DTNBP1: variants seen among roughly 807,000 people sequenced by gnomAD.
The protein encoded by DTNBP1 is dysbindin.
Under a neutral mutation model 42.8 loss-of-function variants are expected in DTNBP1, and 35 were observed. That is an observed-to-expected ratio of 0.82 (90% CI 0.63 to 1.09). The LOEUF (loss-of-function observed/expected upper bound fraction) is 1.09, where lower values mean the gene tolerates loss of function less well. Ranked by LOEUF, DTNBP1 falls within the 50% of genes least tolerant of loss-of-function variation. The pLI is 0.00. For synonymous variants in DTNBP1, 171 were observed against 162.2 expected (o/e 1.05, Z -0.41); for missense variants, 457 against 424.2 (o/e 1.08, Z -0.68).
chr6:15,654,934 T>C (rs1342642739), intron 1 of DTNBP1, among the ~76,000 whole-genome samples: 1 of 152,230 alleles, frequency 6.6e-6, no homozygotes, highest in Middle Eastern at 3.2e-3. Context: ...TGCATTTATG[T>C]AATGTGTTTC....
intron 8 of DTNBP1, among the ~76,000 whole-genome samples, chr6:15,526,013 G>A (rs1260552384): frequency 1.3e-5 from 2 of 152,184 alleles, no homozygotes; most frequent in Non-Finnish European, 2.9e-5. Context: ...GAGAGGGCAG[G>A]CTAAGAAAGA....
At chr6:15,647,462 G>C (rs572467598) in intron 3 of DTNBP1, among the ~76,000 whole-genome samples, 4 of 151,732 alleles carry the variant, frequency 2.6e-5, no homozygotes, top group Non-Finnish European at 4.4e-5. Context: ...ATAATTCACT[G>C]GAGGAGTTCA....
chr6:15,523,514 C>T, intron 9 of DTNBP1: 10 of 1,276,152 alleles, frequency 7.8e-6, no homozygotes, highest in African/African-American at 1.5e-5. Flanking sequence ...AAGGCAAGTG[C>T]TGCCTATCTT....
intron 9 of DTNBP1, 47 bp downstream of exon 9, chr6:15,524,479 G>C: frequency 6.2e-7 from 1 of 1,612,976 alleles, no homozygotes; most frequent in Non-Finnish European, 8.5e-7. Flanking sequence ...GAGGGGAGTG[G>C]CATCGATACT....
intron 7 of DTNBP1, among the ~76,000 whole-genome samples, chr6:15,575,918 G>T (rs1775541174): frequency 2.6e-5 from 4 of 152,164 alleles, no homozygotes; most frequent in African/African-American, 9.7e-5. Flanking sequence ...GCTGATGCAA[G>T]ATGTTGCGCT....
chr6:15,596,580 C>T (rs1776523893), intron 6 of DTNBP1, among the ~76,000 whole-genome samples: 1 of 152,200 alleles, frequency 6.6e-6, no homozygotes, highest in South Asian at 2.1e-4. Context: ...TTGCTATTGT[C>T]TCCATCCCTT....
At chr6:15,628,398 C>CTTTTTT (rs70996561) in intron 4 of DTNBP1, among the ~76,000 whole-genome samples, 52 of 77,070 alleles carry the variant, frequency 6.7e-4, no homozygotes, top group African/African-American at 1.1e-3. Flanking sequence ...GATTAAGGTT[C>CTTTTTT]TTTTTTTTTT....
intron 7 of DTNBP1, among the ~76,000 whole-genome samples, chr6:15,551,850 A>C (rs1341286421): frequency 6.6e-6 from 1 of 152,226 alleles, no homozygotes; most frequent in East Asian, 1.9e-4. Flanking sequence ...GAGCAGCCTC[A>C]CAAGTACACA....
intron 7 of DTNBP1, chr6:15,548,438 G>GACACACACACACACACAC (rs3045754): frequency 1.6e-4 from 22 of 136,708 alleles, no homozygotes; most frequent in African/African-American, 5.8e-4. Flanking sequence ...AACACACACA[G>GACACACACACACACACAC]ACACACACAC....
At chr6:15,635,733 C>G (rs1187892230) in intron 4 of DTNBP1, among the ~76,000 whole-genome samples, 1 of 152,178 alleles carries the variant, frequency 6.6e-6, no homozygotes, top group African/African-American at 2.4e-5. Flanking sequence ...CATTTTCTTT[C>G]TGAGATCCTT....
intron 7 of DTNBP1, among the ~76,000 whole-genome samples, chr6:15,586,795 A>T (rs1368172588): frequency 6.6e-6 from 1 of 152,188 alleles, no homozygotes; most frequent in Admixed American, 6.5e-5. Flanking sequence ...TAAGATCACC[A>T]ATTAGCTTCT....
intron 8 of DTNBP1, 37 bp from the exon 9 acceptor site, chr6:15,524,706 T>TC (rs759880065): frequency 6.2e-7 from 1 of 1,606,792 alleles, no homozygotes; most frequent in South Asian, 1.1e-5. Context: ...ACACGCTGTC[T>TC]TTAATATTAC....
intron 7 of DTNBP1, among the ~76,000 whole-genome samples, chr6:15,550,535 C>T (rs1034807571): frequency 1.3e-5 from 2 of 152,186 alleles, no homozygotes; most frequent in African/African-American, 4.8e-5. Context: ...TTGGAAATAT[C>T]CTGCCTCTAA....
intron 8 of DTNBP1, among the ~76,000 whole-genome samples, chr6:15,529,589 A>G (rs939926258): frequency 6.6e-6 from 1 of 152,214 alleles, no homozygotes; most frequent in African/African-American, 2.4e-5. Flanking sequence ...TCCCTCTGGA[A>G]GCAGGGACAC....
intron 9 of DTNBP1, 24 bp from the exon 10 acceptor site, chr6:15,523,243 A>G: frequency 1.9e-6 from 3 of 1,613,702 alleles, no homozygotes; most frequent in Non-Finnish European, 2.5e-6. Flanking sequence ...TAGGGAAGAA[A>G]AAGCCCTGTC....
intron 7 of DTNBP1, among the ~76,000 whole-genome samples, chr6:15,543,422 G>A (rs958806939): frequency 1.1e-4 from 16 of 152,156 alleles, no homozygotes; most frequent in Non-Finnish European, 1.2e-4. Flanking sequence ...TGGGCATACA[G>A]CTCCATGCAG....
intron 7 of DTNBP1, among the ~76,000 whole-genome samples, chr6:15,534,469 T>C (rs1424306027): frequency 1.3e-5 from 2 of 152,034 alleles, no homozygotes; most frequent in African/African-American, 4.8e-5. Flanking sequence ...CTGGCCAATA[T>C]GGTAAAACCG....
intron 7 of DTNBP1, among the ~76,000 whole-genome samples, chr6:15,559,523 C>A (rs1165687881): frequency 6.6e-6 from 1 of 152,186 alleles, no homozygotes; most frequent in Non-Finnish European, 1.5e-5. Flanking sequence ...AGCTTCAAAG[C>A]ACTTCCCAAA....
At chr6:15,524,133 C>G in intron 9 of DTNBP1, 1 of 1,377,412 alleles carries the variant, frequency 7.3e-7, no homozygotes, top group Non-Finnish European at 9.5e-7. Context: ...AGGCACGCCC[C>G]TAAATGCCTG....
Sources: allele counts gnomAD v4.1 joint callset (sites outside exome capture counted in the v4.1 genomes callset), GRCh38; gene constraint gnomAD v4.1.1; transcripts MANE v1.5; gene names NCBI Gene and HGNC (gene_info 2026-07-23, HGNC 2026-07-21).